The following SLC44A5 variants were observed in gnomAD, a reference collection of about 807,000 sequenced individuals.
The protein encoded by SLC44A5 is choline transporter-like protein 5.
SLC44A5 carries 57 observed loss-of-function variants against 101.8 expected under a neutral mutation model. That is an observed-to-expected ratio of 0.56 (90% CI 0.45 to 0.70). SLC44A5 has a LOEUF of 0.70. SLC44A5 is among the 30% of genes least tolerant of loss of function. SLC44A5 has a pLI of 0.00. For missense variants in SLC44A5, 737 were observed against 853.1 expected, an observed-to-expected ratio of 0.86 and a Z score of 1.70; for synonymous variants, 281 against 290.9, an observed-to-expected ratio of 0.97 and a Z score of 0.35.
chr1:75,207,058 CG>C (rs1212583539), intron 23 of SLC44A5, among the ~76,000 whole-genome samples: 1 of 152,100 alleles, frequency 6.6e-6, no homozygotes, highest in Non-Finnish European at 1.5e-5. Context: ...CCAAATCCTC[CG>C]GGATGGAGCT....
At chr1:75,678,218 T>A in the SLC44A5 span, among the ~76,000 whole-genome samples, 3 of 152,040 alleles carry the variant, frequency 2.0e-5, no homozygotes, top group Non-Finnish European at 2.9e-5. Flanking sequence ...CTTGCTTAGG[T>A]AAACAAAGCA....
At chr1:75,294,406 C>T (rs1003207154) in intron 5 of SLC44A5, among the ~76,000 whole-genome samples, 36 of 152,024 alleles carry the variant, frequency 2.4e-4, no homozygotes, top group African/African-American at 7.2e-4. Context: ...ATAGCCATTA[C>T]GAATGATAGC....
At chr1:75,282,674 T>C (rs1367216369) in intron 5 of SLC44A5, among the ~76,000 whole-genome samples, 1 of 152,146 alleles carries the variant, frequency 6.6e-6, no homozygotes, top group African/African-American at 2.4e-5. Flanking sequence ...GTTCTTGTGA[T>C]AGTGAACAGC....
At chr1:75,570,577 A>T (rs942980775) in intron 1 of SLC44A5, among the ~76,000 whole-genome samples, 2 of 152,132 alleles carry the variant, frequency 1.3e-5, no homozygotes, top group African/African-American at 4.8e-5. Context: ...CCCAACACCT[A>T]TTTTTGCAGT....
the SLC44A5 span, among the ~76,000 whole-genome samples, chr1:75,679,230 G>A: frequency 6.6e-6 from 1 of 152,128 alleles, no homozygotes; most frequent in South Asian, 2.1e-4. Context: ...TAGCAAGGCA[G>A]GCCAACGTTC....
chr1:75,621,945 T>G, the SLC44A5 span, among the ~76,000 whole-genome samples: 1 of 152,152 alleles, frequency 6.6e-6, no homozygotes, highest in African/African-American at 2.4e-5. Context: ...TCCTACCCCA[T>G]GCCACACACC....
chr1:75,265,041 T>G (rs1400428449), intron 6 of SLC44A5, among the ~76,000 whole-genome samples: 1 of 152,134 alleles, frequency 6.6e-6, no homozygotes, highest in Non-Finnish European at 1.5e-5. Flanking sequence ...ACATATAACC[T>G]ACCAAGGTTG....
chr1:75,395,123 C>T (rs745360774), intron 3 of SLC44A5, among the ~76,000 whole-genome samples: 8 of 151,998 alleles, frequency 5.3e-5, no homozygotes, highest in Non-Finnish European at 1.2e-4. Context: ...GAGTGTTTTT[C>T]CTCATTAGCT....
At chr1:75,652,414 G>A in the SLC44A5 span, among the ~76,000 whole-genome samples, 1 of 152,126 alleles carries the variant, frequency 6.6e-6, no homozygotes, top group Non-Finnish European at 1.5e-5. Flanking sequence ...TCTTTCTTCT[G>A]AGAAGGCAAG....
intron 1 of SLC44A5, among the ~76,000 whole-genome samples, chr1:75,548,347 C>T (rs1488390439): frequency 1.3e-5 from 2 of 152,006 alleles, no homozygotes; most frequent in East Asian, 3.8e-4. Flanking sequence ...ACTTTAGATG[C>T]TAACTTTATG....
the SLC44A5 span, among the ~76,000 whole-genome samples, chr1:75,665,312 C>T: frequency 2.2e-4 from 34 of 152,136 alleles, no homozygotes; most frequent in African/African-American, 8.0e-4. Flanking sequence ...CACCTATAGT[C>T]ACTTGATCTT....
rs528779099 is a variant in SLC44A5, at chr1:75,230,489, T to C, written c.854-2632A>G. Among the ~76,000 whole-genome samples the C allele has an allele frequency of 1.4e-4, 22 of 152,224 alleles. No homozygotes were observed. In the South Asian group the frequency reaches 3.7e-3, roughly 26 times the overall value. ...TGGTCTCAATCTCTTGACCTTGCGA[T>C]CCACCTGCCTTAGCTTCCCAAAGTG... On this transcript the variant is annotated intron_variant, in intron 12 of 23. Coordinates refer to ENST00000370859, the MANE Select transcript of SLC44A5 (RefSeq NM_001130058.2).
intron 2 of SLC44A5, among the ~76,000 whole-genome samples, chr1:75,520,558 A>G (rs148894201): frequency 2.6e-5 from 4 of 152,290 alleles, no homozygotes; most frequent in African/African-American, 9.6e-5. Context: ...GATAATTGAA[A>G]GAAAGAATGA....
At chr1:75,417,292 C>G (rs904734022) in intron 2 of SLC44A5, among the ~76,000 whole-genome samples, 1 of 152,194 alleles carries the variant, frequency 6.6e-6, no homozygotes, top group African/African-American at 2.4e-5. Context: ...TTGCCTGCCA[C>G]CATCCATGTA....
chr1:75,589,152 AC>A (rs1235766540), intron 1 of SLC44A5, among the ~76,000 whole-genome samples: 1 of 152,036 alleles, frequency 6.6e-6, no homozygotes, highest in Non-Finnish European at 1.5e-5. Context: ...TAAAAGAAAG[AC>A]CTCTGCCACC....
chr1:75,245,372 T>C (rs894300364), intron 7 of SLC44A5, among the ~76,000 whole-genome samples: 1 of 152,168 alleles, frequency 6.6e-6, no homozygotes, highest in African/African-American at 2.4e-5. Context: ...CCACATCTTT[T>C]AGAAGGTTAA....
intron 3 of SLC44A5, among the ~76,000 whole-genome samples, chr1:75,367,663 G>A (rs955965800): frequency 2.6e-5 from 4 of 152,208 alleles, no homozygotes; most frequent in South Asian, 2.1e-4. Context: ...GGATGGTGCT[G>A]GTGGCAAGAC....
the SLC44A5 span, among the ~76,000 whole-genome samples, chr1:75,650,135 T>A: frequency 6.6e-6 from 1 of 152,146 alleles, no homozygotes; most frequent in South Asian, 2.1e-4. Flanking sequence ...AGTGGTGAAG[T>A]CTGGGCTATT....
chr1:75,272,398 CTTTTATTTTTT>C (rs1321905264), intron 6 of SLC44A5, among the ~76,000 whole-genome samples: 1 of 147,458 alleles, frequency 6.8e-6, no homozygotes, highest in Non-Finnish European at 1.5e-5. Flanking sequence ...GACCAGTTTG[CTTTTATTTTTT>C]TTTTATTTTT....
Sources: gnomAD v4.1 joint callset for allele counts (sites outside exome capture counted in the v4.1 genomes callset) on GRCh38, gnomAD v4.1.1 for gene constraint, MANE v1.5 for transcripts, NCBI Gene and HGNC (gene_info 2026-07-23, HGNC 2026-07-21) for gene names.